HES1: variants seen among roughly 807,000 people sequenced by gnomAD.
The protein encoded by HES1 is hes family bHLH transcription factor 1, also known as transcription factor HES-1.
HES1 carries 7 observed loss-of-function variants against 21.0 expected under a neutral mutation model. The ratio of observed to expected loss-of-function variants is 0.33; its 90% CI spans 0.19 to 0.63. The LOEUF (loss-of-function observed/expected upper bound fraction) is 0.63. HES1 is among the 20% of genes least tolerant of loss of function. The pLI, the probability that HES1 is intolerant of heterozygous loss-of-function variation, is 0.78. For missense variants in HES1, 338 were observed against 389.8 expected (o/e 0.87, Z 1.12); for synonymous variants, 169 against 171.2 (o/e 0.99, Z 0.10).
chr3:194,136,781 A>C lies in HES1; in HGVS notation c.204+69A>C, dbSNP rs747802149. ...CACTTTCTCAGCTACTAAGAGTGAA[A>C]CCCCCCGCCCTGCGGGGTCTGGCAC... On this transcript the variant is annotated intron_variant, in intron 2 of 3. Transcript: ENST00000232424. The C allele has an allele frequency of 1.0e-5, 15 of 1,485,588 alleles. No homozygotes were observed. In the South Asian group the frequency reaches 1.5e-4, roughly 15 times the overall value. 92.0% of individuals were successfully genotyped at this position (1,485,588 alleles called of 1,614,324 possible). A position where few individuals can be genotyped will look rare whatever the true frequency, so the allele number is the denominator to read the frequency against.
At position 194,138,421 on chromosome 3, in the gene HES1, T is replaced by A; in HGVS notation, c.*188T>A. On this transcript the variant is annotated 3_prime_UTR_variant, in exon 4 of 4. Coordinates refer to ENST00000232424, the MANE Select transcript of HES1 (RefSeq NM_005524.4). ...GTATTAAGTGACTGACCATGCACTA[T>A]ATTTGTATATATTTTATATGTTCAT... is the stretch of plus-strand genomic sequence containing the variant. 2.3e-6 allele frequency: 1 copy of A among 438,074 alleles called. No homozygotes were observed. Among genetic ancestry groups the A allele is most frequent in the Non-Finnish European group, 3.9e-6 (1 of 257,356 alleles). The allele number at this position is 438,074 out of a possible 1,614,324, so 27.1% of individuals were successfully genotyped here.
chr3:194,136,314 A>G lies in HES1; in HGVS notation c.-67A>G, dbSNP rs192979269. 147 of 978,262 alleles carry G rather than the reference A, an allele frequency of 1.5e-4. 1 individual carries two copies. The East Asian group carries it at 3.4e-3, about 22-fold the overall frequency. The allele number at this position is 978,262 out of a possible 1,614,324, so 60.6% of individuals were successfully genotyped here. On this transcript the variant is annotated 5_prime_UTR_variant, in exon 1 of 4. Coordinates refer to ENST00000232424, the MANE Select transcript of HES1 (RefSeq NM_005524.4). ...CTCAAGTAAAAGAGACACAAACAAA[A>G]AATTCTTTTTCGTGAAGAACTCCAA...
rs1715393900 is a variant in HES1 at position 194,138,114 on chromosome 3, G to A, written c.724G>A (p.Gly242Ser). ...TCCCAACGGGGCCTTCGCGCACAGC[G>A]GCCCTGTCATCCCCGTCTACACCAG... Reference protein sequence around the residue: ...LIPNGAFAHSGPVIPVYTSNS... With the variant: ...LIPNGAFAHSSPVIPVYTSNS... Residue 242 changes from glycine (G) to serine (S), a missense_variant, in exon 4 of 4, where the codon GGC becomes AGC. By Grantham distance (56) the Gly-to-Ser change is moderately conservative. Coordinates refer to ENST00000232424, the MANE Select transcript of HES1 (RefSeq NM_005524.4). 6.2e-7 allele frequency: 1 copy of A among 1,612,410 alleles called. No individual in the cohort carries two copies. The highest frequency in any genetic ancestry group is 8.5e-7 in the Non-Finnish European group (1 of 1,179,586).
Position 194,137,885 on chromosome 3 carries a change from G to C in HES1, c.495G>C (p.Ala165=), listed in dbSNP as rs2108589074. The change falls in exon 4 of 4, where the codon GCG becomes GCC. Residue 165 remains alanine (A), a synonymous_variant. Transcript: ENST00000232424. The surrounding 1 kb of genome is among the most constrained non-coding windows in gnomAD (Gnocchi z 5.4). ...GGCAGCCGCACCCCGCCTTGCAGGC[G>C]CCGCCACCGCCCCCACCGGGACCCG... ...YPGQPHPALQ[A]PPPPPPGPGG... 6.7e-7 allele frequency: 1 copy of C among 1,493,454 alleles called. No individual in the cohort carries two copies. Among genetic ancestry groups the C allele is most frequent in the South Asian group, 1.4e-5 (1 of 72,680 alleles). The allele number at this position is 1,493,454 out of a possible 1,614,324, so 92.5% of individuals were successfully genotyped here. A position where few individuals can be genotyped will look rare whatever the true frequency, so the allele number is the denominator to read the frequency against.
In HES1 at chr3:194,137,336, T is replaced by G; in HGVS notation, c.292+288T>G. ...GAACTGCGTGGAGCCTGGGGGTCAC[T>G]GGTTTAGCACTCCTTCCCGTTGCAG... On this transcript the variant is annotated intron_variant, in intron 3 of 3. Coordinates refer to ENST00000232424, the MANE Select transcript of HES1 (RefSeq NM_005524.4). This position sits in a 1 kb window ranked among gnomAD's most constrained non-coding sequence, Gnocchi z 5.4. 2 of 579,652 alleles carry G rather than the reference T, an allele frequency of 3.5e-6. No homozygotes were observed. Among genetic ancestry groups the G allele is most frequent in the South Asian group, 4.1e-5 (2 of 48,964 alleles). 35.9% of individuals were successfully genotyped at this position (579,652 alleles called of 1,614,324 possible).
chr3:194,136,292 A>T lies in HES1; in HGVS notation c.-89A>T. 1 of 768,882 alleles carries T rather than the reference A, an allele frequency of 1.3e-6. No homozygotes were observed. Among genetic ancestry groups the T allele is most frequent in the Non-Finnish European group, 2.1e-6 (1 of 471,472 alleles). The allele number at this position is 768,882 out of a possible 1,614,324, so 47.6% of individuals were successfully genotyped here. ...TGCTCAGTAGTTTTGTGAAAGTCTC[A>T]AGTAAAAGAGACACAAACAAAAAAT... is the stretch of plus-strand genomic sequence containing the variant. On this transcript the variant is annotated 5_prime_UTR_variant, in exon 1 of 4. Transcript: ENST00000232424.
chr3:194,136,925 C>A (rs1387196461), intron 2 of HES1, 36 bp from the exon 3 acceptor site: 2 of 1,589,854 alleles, frequency 1.3e-6, no homozygotes, highest in East Asian at 2.2e-5. Context: ...GCAGCTGACA[C>A]GGGGCTCACT....
At position 194,137,183 on chromosome 3, in the gene HES1, G is replaced by T; in HGVS notation, c.292+135G>T. 1.4e-6 allele frequency: 1 copy of T among 715,928 alleles called. No individual in the cohort carries two copies. The highest frequency in any genetic ancestry group is 2.3e-5 in the Admixed American group (1 of 43,684). 44.3% of individuals were successfully genotyped at this position (715,928 alleles called of 1,614,324 possible). On this transcript the variant is annotated intron_variant, in intron 3 of 3. Coordinates refer to ENST00000232424, the MANE Select transcript of HES1 (RefSeq NM_005524.4). The surrounding 1 kb of genome is among the most constrained non-coding windows in gnomAD (Gnocchi z 5.4). ...CCTTGGCTCACTCTTGCGTTCCCAC[G>T]GTCTGGGGCTTATTTATAGCCACAA...
chr3:194,138,217 G>A lies in HES1; in HGVS notation c.827G>A (p.Arg276Lys). ...GPSLTADSMW[R>K]PWRN ...TCGCTTACGGCGGACTCCATGTGGAGGCCGTGGCGGAACTGAGGGGGCTCA... is the reference window on the plus strand; with the variant it reads ...TCGCTTACGGCGGACTCCATGTGGAAGCCGTGGCGGAACTGAGGGGGCTCA... The change falls in exon 4 of 4, where the codon AGG (arginine) becomes AAG (lysine). Residue 276 changes from arginine (R) to lysine (K), a missense_variant. Physicochemically the swap from Arg to Lys is conservative, Grantham distance 26. Coordinates refer to ENST00000232424, the MANE Select transcript of HES1 (RefSeq NM_005524.4). 1 of 1,581,110 alleles carries A rather than the reference G, an allele frequency of 6.3e-7. No homozygotes were observed. The highest frequency in any genetic ancestry group is 8.6e-7 in the Non-Finnish European group (1 of 1,165,282).
rs1003531879 is a variant in HES1, at chr3:194,136,220, G to A, written c.-161G>A. The A allele has an allele frequency of 3.0e-5, 18 of 597,880 alleles. 1 individual carries two copies. Among genetic ancestry groups the A allele is most frequent in the South Asian group, 2.0e-4 (9 of 46,084 alleles). The allele number at this position is 597,880 out of a possible 1,614,324, so 37.0% of individuals were successfully genotyped here. On this transcript the variant is annotated 5_prime_UTR_variant, in exon 1 of 4. Transcript: ENST00000232424. ...CCTCTCTCCTTGGTCCTGGAACAGCGCTACTGATCACCAAGTAGCCACAAA... is the reference window on the plus strand; with the variant it reads ...CCTCTCTCCTTGGTCCTGGAACAGCACTACTGATCACCAAGTAGCCACAAA...
Position 194,136,608 on chromosome 3 carries a change from T to A in HES1, c.109-9T>A. On this transcript the variant is annotated splice_polypyrimidine_tract_variant and intron_variant, in intron 1 of 3. Coordinates refer to ENST00000232424, the MANE Select transcript of HES1 (RefSeq NM_005524.4). Reference sequence around the variant, plus strand: ...CATGGGAACACAGAACTCTTTTTTTTATTTGCAGTCATCAAAGCCTATTAT... The same window carrying A: ...CATGGGAACACAGAACTCTTTTTTTAATTTGCAGTCATCAAAGCCTATTAT... The A allele has an allele frequency of 6.2e-7, 1 of 1,602,010 alleles. No homozygotes were observed. Among genetic ancestry groups the A allele is most frequent in the South Asian group, 1.1e-5 (1 of 89,300 alleles).
In HES1 at chr3:194,137,326, T is replaced by C; in HGVS notation, c.292+278T>C. ...TGGCGGTTTGGAACTGCGTGGAGCC[T>C]GGGGGTCACTGGTTTAGCACTCCTT... On this transcript the variant is annotated intron_variant, in intron 3 of 3. Transcript: ENST00000232424. The surrounding 1 kb of genome is among the most constrained non-coding windows in gnomAD (Gnocchi z 5.4). 1 of 581,570 alleles carries C rather than the reference T, an allele frequency of 1.7e-6. No individual in the cohort carries two copies. Among genetic ancestry groups the C allele is most frequent in the East Asian group, 2.9e-5 (1 of 34,704 alleles). The allele number at this position is 581,570 out of a possible 1,614,324, so 36.0% of individuals were successfully genotyped here. A position where few individuals can be genotyped will look rare whatever the true frequency, so the allele number is the denominator to read the frequency against.
rs1715335022 is a variant in HES1 at position 194,136,357 on chromosome 3, G to GTT, written c.-24_-23insTT. 1.2e-6 allele frequency: 1 copy of GTT among 835,342 alleles called. No individual in the cohort carries two copies. Among genetic ancestry groups the GTT allele is most frequent in the Non-Finnish European group, 1.7e-6 (1 of 603,264 alleles). 51.7% of individuals were successfully genotyped at this position (835,342 alleles called of 1,614,324 possible). The stretch of plus-strand genomic sequence containing the variant: ...AACTCCAAAAATAAAATTCTCTAGA[G>GTT]ATAAAAAAAAAAAAAAAAGGAAAAT... On this transcript the variant is annotated 5_prime_UTR_variant, in exon 1 of 4. Transcript: ENST00000232424.
Position 194,137,633 on chromosome 3 carries a change from C to T in HES1, c.293-50C>T. The T allele has an allele frequency of 1.3e-6, 2 of 1,497,132 alleles. No individual in the cohort carries two copies. The highest frequency in any genetic ancestry group is 9.0e-7 in the Non-Finnish European group (1 of 1,115,642). 92.7% of individuals were successfully genotyped at this position (1,497,132 alleles called of 1,614,324 possible). A position where few individuals can be genotyped will look rare whatever the true frequency, so the allele number is the denominator to read the frequency against. On this transcript the variant is annotated intron_variant, in intron 3 of 3. Transcript: ENST00000232424. The surrounding 1 kb of genome is among the most constrained non-coding windows in gnomAD (Gnocchi z 5.4). ...GACCTCCCAGGGCGGAGGCAGTGGC[C>T]ACGGGGCCAGGGCCGTTCGGTGACC...
At position 194,137,659 on chromosome 3, in the gene HES1, C is replaced by T. The variant is rs1433095658; in HGVS notation, c.293-24C>T. On this transcript the variant is annotated intron_variant, in intron 3 of 3. Transcript: ENST00000232424. This position sits in a 1 kb window ranked among gnomAD's most constrained non-coding sequence, Gnocchi z 5.4. ...ACGGGGCCAGGGCCGTTCGGTGACC[C>T]GTCTGTCTCTTTCTGGCCCGCAGCT... The T allele has an allele frequency of 3.9e-6, 6 of 1,553,144 alleles. No homozygotes were observed. The East Asian group carries it at 9.6e-5, about 25-fold the overall frequency.
In HES1 at chr3:194,137,756, C is replaced by T; in HGVS notation, c.366C>T (p.Thr122=). The part of the protein sequence containing the change: ...AGFSECMNEV[T]RFLSTCEGVN... ...TCAGCGAGTGCATGAACGAGGTGAC[C>T]CGCTTCCTGTCCACGTGCGAGGGCG... The change falls in exon 4 of 4, where the codon ACC becomes ACT. Residue 122 remains threonine (T), a synonymous_variant. Transcript: ENST00000232424. The surrounding 1 kb of genome is among the most constrained non-coding windows in gnomAD (Gnocchi z 5.4). 1 of 1,613,626 alleles carries T rather than the reference C, an allele frequency of 6.2e-7. No individual in the cohort carries two copies. The highest frequency in any genetic ancestry group is 8.5e-7 in the Non-Finnish European group (1 of 1,179,838).
rs7629144 is a variant in HES1 at position 194,138,131 on chromosome 3, C to T, written c.741C>T (p.Val247=). The change falls in exon 4 of 4, where the codon GTC becomes GTT. Residue 247 remains valine, a synonymous_variant. Coordinates refer to ENST00000232424, the MANE Select transcript of HES1 (RefSeq NM_005524.4). The stretch of plus-strand genomic sequence containing the variant: ...CGCACAGCGGCCCTGTCATCCCCGT[C>T]TACACCAGCAACAGCGGCACCTCCG... ...AFAHSGPVIP[V]YTSNSGTSVG... 7.6e-3 allele frequency: 12,246 copies of T among 1,612,842 alleles called. 609 individuals carry two copies. In the African/African-American group the frequency reaches 0.12, roughly 16 times the overall value.
rs1027573404 is a variant in HES1, at chr3:194,137,321, G to T, written c.292+273G>T. On this transcript the variant is annotated intron_variant, in intron 3 of 3. Coordinates refer to ENST00000232424, the MANE Select transcript of HES1 (RefSeq NM_005524.4). The surrounding 1 kb of genome is among the most constrained non-coding windows in gnomAD (Gnocchi z 5.4). ...GACTGTGGCGGTTTGGAACTGCGTG[G>T]AGCCTGGGGGTCACTGGTTTAGCAC... 4 of 584,680 alleles carry T rather than the reference G, an allele frequency of 6.8e-6. No homozygotes were observed. The Admixed American group carries it at 1.2e-4, about 18-fold the overall frequency. 36.2% of individuals were successfully genotyped at this position (584,680 alleles called of 1,614,324 possible).
At position 194,137,229 on chromosome 3, in the gene HES1, G is replaced by A; in HGVS notation, c.292+181G>A. 2 of 637,438 alleles carry A rather than the reference G, an allele frequency of 3.1e-6. No individual in the cohort carries two copies. Among genetic ancestry groups the A allele is most frequent in the Non-Finnish European group, 2.8e-6 (1 of 361,430 alleles). 39.5% of individuals were successfully genotyped at this position (637,438 alleles called of 1,614,324 possible). On this transcript the variant is annotated intron_variant, in intron 3 of 3. Transcript: ENST00000232424. This position sits in a 1 kb window ranked among gnomAD's most constrained non-coding sequence, Gnocchi z 5.4. ...CACAACTCCAAGTTGTTACTGTTCC[G>A]GAAAGGGAGGGAAAGAGGTTGCAGC...
Sources: allele counts gnomAD v4.1 joint callset, GRCh38; gene constraint gnomAD v4.1.1; non-coding constraint Gnocchi (gnomAD v3.1); transcripts MANE v1.5; gene names NCBI Gene and HGNC (gene_info 2026-07-23, HGNC 2026-07-21).